The following FUT8 variants were observed in gnomAD, a reference collection of about 807,000 sequenced individuals.
The protein encoded by FUT8 is fucosyltransferase 8.
FUT8 carries 29 observed loss-of-function variants against 71.3 expected under a neutral mutation model. That is an observed-to-expected ratio of 0.41 (90% CI 0.30 to 0.55). The LOEUF is 0.55. Among genes scored for constraint, FUT8 ranks in the 20% least tolerant of loss-of-function variants. The pLI, the probability that FUT8 is intolerant of heterozygous loss-of-function variation, is 0.34. For missense variants in FUT8, 544 were observed against 702.1 expected (o/e 0.77, Z 2.55); for synonymous variants, 254 against 239.3 (o/e 1.06, Z -0.57).
At chr14:65,512,889 C>T (rs1262972880) in intron 2 of FUT8, among the ~76,000 whole-genome samples, 1 of 124,194 alleles carries the variant, frequency 8.1e-6, no homozygotes, top group Non-Finnish European at 1.6e-5. Context: ...GCCTGGGCGA[C>T]AGAGTGAGAC....
intron 7 of FUT8, among the ~76,000 whole-genome samples, chr14:65,687,151 A>C (rs769356013): frequency 2.3e-4 from 35 of 152,028 alleles, no homozygotes; most frequent in Non-Finnish European, 4.4e-4. Context: ...ACCAGTTACT[A>C]GGTAAATCAT....
chr14:65,579,657 T>C (rs969677073), intron 3 of FUT8, among the ~76,000 whole-genome samples: 1 of 152,158 alleles, frequency 6.6e-6, no homozygotes, highest in South Asian at 2.1e-4. Flanking sequence ...CAAAAGCTTA[T>C]TGGACATGGT....
intron 5 of FUT8, among the ~76,000 whole-genome samples, chr14:65,617,868 T>A (rs1028687722): frequency 1.1e-4 from 16 of 151,732 alleles, no homozygotes; most frequent in Admixed American, 9.9e-4. Context: ...CACTTGAACC[T>A]GGGAGGCAGA....
intron 2 of FUT8, among the ~76,000 whole-genome samples, chr14:65,538,817 G>A (rs1384519410): frequency 6.6e-6 from 1 of 152,168 alleles, no homozygotes; most frequent in East Asian, 1.9e-4. Context: ...CTACTCAGGA[G>A]GCTGAGGCAG....
At chr14:65,606,856 TATTTA>T (rs1423018679) in intron 3 of FUT8, among the ~76,000 whole-genome samples, 8 of 151,958 alleles carry the variant, frequency 5.3e-5, no homozygotes, top group Non-Finnish European at 8.8e-5. Context: ...ATTAGAATTG[TATTTA>T]ATTTATAGAT....
chr14:65,699,213 C>T (rs1420691150), intron 7 of FUT8, among the ~76,000 whole-genome samples: 1 of 150,768 alleles, frequency 6.6e-6, no homozygotes, highest in Non-Finnish European at 1.5e-5. Context: ...CATGCAGAAA[C>T]ACATGCCCAT....
At chr14:65,723,237 A>G (rs1307995582) in intron 8 of FUT8, among the ~76,000 whole-genome samples, 1 of 151,580 alleles carries the variant, frequency 6.6e-6, no homozygotes, top group Non-Finnish European at 1.5e-5. Context: ...AGGTGAGAGG[A>G]TCACTTGAGC....
chr14:65,390,105 C>T, the FUT8 span, among the ~76,000 whole-genome samples: 2 of 150,798 alleles, frequency 1.3e-5, no homozygotes, highest in East Asian at 1.9e-4. Context: ...TCACACACAC[C>T]ACTGCACTTC....
the FUT8 span, among the ~76,000 whole-genome samples, chr14:65,358,449 C>T: frequency 6.6e-6 from 1 of 152,010 alleles, no homozygotes; most frequent in Non-Finnish European, 1.5e-5. Flanking sequence ...CCTTTAAATA[C>T]ATCATTTACT....
chr14:65,406,260 A>G (rs1048305173), upstream of FUT8, among the ~76,000 whole-genome samples: 2 of 152,242 alleles, frequency 1.3e-5, no homozygotes, highest in African/African-American at 4.8e-5. Context: ...CATTTATTTT[A>G]TACAACCCCA....
intron 2 of FUT8, among the ~76,000 whole-genome samples, chr14:65,552,050 A>T (rs1885317587): frequency 6.6e-6 from 1 of 152,172 alleles, no homozygotes; most frequent in African/African-American, 2.4e-5. Flanking sequence ...TTTTATTCTG[A>T]CACTGTACAT....
chr14:65,681,115 A>G (rs753294027), intron 7 of FUT8, among the ~76,000 whole-genome samples: 16 of 152,206 alleles, frequency 1.1e-4, no homozygotes, highest in Non-Finnish European at 2.2e-4. Flanking sequence ...GTATTTAAAC[A>G]GTTCATGTTT....
chr14:65,486,067 T>C (rs935381595), intron 2 of FUT8, among the ~76,000 whole-genome samples: 3 of 152,210 alleles, frequency 2.0e-5, no homozygotes, highest in Non-Finnish European at 4.4e-5. Context: ...TTTTCCATTT[T>C]TTAAAACTTT....
intron 1 of FUT8, among the ~76,000 whole-genome samples, chr14:65,414,011 A>G (rs974720153): frequency 1.3e-4 from 20 of 152,232 alleles, no homozygotes; most frequent in Non-Finnish European, 2.1e-4. Context: ...TTTGCCATAT[A>G]ATATATAGAT....
At chr14:65,673,040 T>G (rs1173819313) in intron 7 of FUT8, among the ~76,000 whole-genome samples, 5 of 152,240 alleles carry the variant, frequency 3.3e-5, no homozygotes, top group Admixed American at 3.3e-4. Context: ...ACTGAATTCT[T>G]AATATGATAA....
At chr14:65,524,899 G>A (rs140571888) in intron 2 of FUT8, among the ~76,000 whole-genome samples, 91 of 152,098 alleles carry the variant, frequency 6.0e-4, no homozygotes, top group Admixed American at 1.7e-3. Context: ...TATGTTGAAC[G>A]AGCCTTGCAT....
At chr14:65,367,040 A>T in the FUT8 span, among the ~76,000 whole-genome samples, 1 of 152,194 alleles carries the variant, frequency 6.6e-6, no homozygotes, top group African/African-American at 2.4e-5. Context: ...GGACTGCAAC[A>T]TCTCCAGATT....
intron 5 of FUT8, among the ~76,000 whole-genome samples, chr14:65,623,155 T>C (rs1889716351): frequency 6.6e-6 from 1 of 152,150 alleles, no homozygotes; most frequent in Non-Finnish European, 1.5e-5. Flanking sequence ...CTTCCCAAAA[T>C]GCTGGGATTA....
intron 7 of FUT8, among the ~76,000 whole-genome samples, chr14:65,713,324 CA>C (rs1184699103): frequency 2.0e-5 from 3 of 152,188 alleles, no homozygotes; most frequent in African/African-American, 7.2e-5. Context: ...AGGTTGCTTT[CA>C]AATCTTGGCT....
Sources: allele counts gnomAD v4.1 joint callset (sites outside exome capture counted in the v4.1 genomes callset), GRCh38; gene constraint gnomAD v4.1.1; transcripts MANE v1.5; gene names NCBI Gene and HGNC (gene_info 2026-07-23, HGNC 2026-07-21).